C3orf33: variants seen among roughly 807,000 people sequenced by gnomAD.
C3orf33 encodes the protein AP-1 activity suppressor.
C3orf33 carries 23 observed loss-of-function variants against 28.7 expected under a neutral mutation model. The ratio of observed to expected loss-of-function variants is 0.80; its 90% CI spans 0.58 to 1.13. C3orf33 has a LOEUF of 1.13. C3orf33 is among the 50% of genes most tolerant of loss of function. The pLI is 0.00. For synonymous variants in C3orf33, 119 were observed against 120.5 expected (o/e 0.99, Z 0.08); for missense variants, 327 against 353.4 (o/e 0.93, Z 0.60).
intron 4 of C3orf33, among the ~76,000 whole-genome samples, chr3:155,764,823 T>C (rs1750349238): frequency 6.6e-6 from 1 of 152,054 alleles, no homozygotes; most frequent in African/African-American, 2.4e-5. Context: ...ACCACTGCAC[T>C]CAAGCCTGGG....
intron 2 of C3orf33, among the ~76,000 whole-genome samples, chr3:155,794,888 C>T (rs1326023589): frequency 6.6e-6 from 1 of 152,136 alleles, no homozygotes. Context: ...GCAGCCAACA[C>T]TGCAGCACCA....
At chr3:155,783,467 A>ATT (rs57517417) in intron 2 of C3orf33, among the ~76,000 whole-genome samples, 3,154 of 134,140 alleles carry the variant, frequency 0.024, 152 homozygotes, top group African/African-American at 0.079. Flanking sequence ...CCTGTACTAC[A>ATT]TTTTTTTTTT....
chr3:155,787,640 C>T (rs1390915657), intron 2 of C3orf33, among the ~76,000 whole-genome samples: 2 of 151,630 alleles, frequency 1.3e-5, no homozygotes, highest in East Asian at 3.9e-4. Context: ...GCGTGAGCCA[C>T]TGTGCCCAGC....
intron 1 of C3orf33, among the ~76,000 whole-genome samples, chr3:155,803,857 G>A (rs1226946654): frequency 6.6e-6 from 1 of 151,994 alleles, no homozygotes; most frequent in Non-Finnish European, 1.5e-5. Context: ...ACTCCAGCCT[G>A]GGCGACAGAG....
chr3:155,788,008 G>A (rs572504632), intron 2 of C3orf33, among the ~76,000 whole-genome samples: 9 of 151,252 alleles, frequency 6.0e-5, no homozygotes, highest in Admixed American at 4.6e-4. Context: ...TGGTTAACAC[G>A]GTGAAACCCC....
At chr3:155,775,973 T>C in intron 2 of C3orf33, 125 bp from the exon 3 acceptor site, 1 of 622,916 alleles carries the variant, frequency 1.6e-6, no homozygotes, top group Non-Finnish European at 2.7e-6. Flanking sequence ...ATTTAGTTCC[T>C]AATTTTATAT....
chr3:155,781,243 T>C (rs378211), intron 2 of C3orf33, among the ~76,000 whole-genome samples: 35,055 of 150,370 alleles, frequency 0.23, 5,028 homozygotes, highest in East Asian at 0.57. Context: ...CCTGACCTCA[T>C]GATCCACCCG....
chr3:155,763,450 G>A lies in C3orf33; in HGVS notation c.*67C>T, dbSNP rs868342356. 8.2e-7 allele frequency: 1 copy of A among 1,224,658 alleles called. No individual in the cohort carries two copies. The highest frequency in any genetic ancestry group is 2.8e-5 in the East Asian group (1 of 35,656). The allele number at this position is 1,224,658 out of a possible 1,614,324, so 75.9% of individuals were successfully genotyped here. A position where few individuals can be genotyped will look rare whatever the true frequency, so the allele number is the denominator to read the frequency against. On this transcript the variant is annotated 3_prime_UTR_variant, in exon 5 of 5. Coordinates refer to ENST00000340171, the MANE Select transcript of C3orf33 (RefSeq NM_001308229.2). ...GGCAAAACTTCCATTTTGATTCAAT[G>A]AAAAACGTCCATATATTTACATATT... is the stretch of plus-strand genomic sequence containing the variant.
chr3:155,794,706 A>T (rs2109276792), intron 2 of C3orf33, among the ~76,000 whole-genome samples: 1 of 152,286 alleles, frequency 6.6e-6, no homozygotes, highest in East Asian at 1.9e-4. Context: ...CCATGCAAAC[A>T]GAAACTGCAG....
chr3:155,802,212 C>T (rs191373812), intron 2 of C3orf33, among the ~76,000 whole-genome samples: 453 of 152,250 alleles, frequency 3.0e-3, no homozygotes, highest in African/African-American at 0.01. Flanking sequence ...CACAAGAAAA[C>T]ACTTTAAGAT....
chr3:155,790,638 G>A (rs955996205), intron 2 of C3orf33, among the ~76,000 whole-genome samples: 6 of 152,146 alleles, frequency 3.9e-5, no homozygotes, highest in Non-Finnish European at 5.9e-5. Context: ...GTGGCATGGA[G>A]GGAGAATCTA....
chr3:155,776,257 A>T (rs1210875257), intron 2 of C3orf33, among the ~76,000 whole-genome samples: 3 of 152,222 alleles, frequency 2.0e-5, no homozygotes, highest in Non-Finnish European at 4.4e-5. Flanking sequence ...AGCTCAGTCA[A>T]ATTAAGTTAG....
At position 155,793,822 on chromosome 3, in the gene C3orf33, AAAAAACT is replaced by A. The variant is rs1159835035; in HGVS notation, c.174+8703_174+8709del. Among the ~76,000 whole-genome samples the A allele has an allele frequency of 7.4e-4, 77 of 104,468 alleles. 2 individuals carry two copies. The highest frequency in any genetic ancestry group is 2.7e-3 in the African/African-American group (73 of 27,330). 68.5% of individuals were successfully genotyped at this position (104,468 alleles called of 152,430 possible). On this transcript the variant is annotated intron_variant, in intron 2 of 4. Coordinates refer to ENST00000340171, the MANE Select transcript of C3orf33 (RefSeq NM_001308229.2). ...GAGACTCTGACTCAAAAAAAAAAAA[AAAAAACT>A]AAAAAAACTAAAAAAACTAAAACAG...
Position 155,805,460 on chromosome 3 carries a change from A to C in C3orf33, c.114+679T>G, listed in dbSNP as rs368765637. 284 of 348,436 alleles carry C rather than the reference A, an allele frequency of 8.2e-4. 2 individuals carry two copies. The highest frequency in any genetic ancestry group is 4.9e-3 in the African/African-American group (229 of 46,670). 21.6% of individuals were successfully genotyped at this position (348,436 alleles called of 1,614,324 possible). A position where few individuals can be genotyped will look rare whatever the true frequency, so the allele number is the denominator to read the frequency against. ...GCGTGACAGAGGGAGACCCTGTCTC[A>C]AAAAAAAGAAATCTATTCGGGAGGC... On this transcript the variant is annotated intron_variant, in intron 1 of 4. Transcript: ENST00000340171.
At chr3:155,785,358 C>G (rs1751067776) in intron 2 of C3orf33, among the ~76,000 whole-genome samples, 1 of 151,992 alleles carries the variant, frequency 6.6e-6, no homozygotes, top group East Asian at 1.9e-4. Context: ...TCGCTTAGAT[C>G]TAACAAACAT....
Position 155,802,462 on chromosome 3 carries a change from T to C in C3orf33, c.174+70A>G, listed in dbSNP as rs1751676866. On this transcript the variant is annotated intron_variant, in intron 2 of 4. Coordinates refer to ENST00000340171, the MANE Select transcript of C3orf33 (RefSeq NM_001308229.2). ...TAACAATATGATACACTGTTTGAGA[T>C]AAAAATTGTCTGAAATGGAAATAAA... The C allele has an allele frequency of 7.7e-6, 9 of 1,162,086 alleles. No individual in the cohort carries two copies. In the South Asian group the frequency reaches 1.0e-4, roughly 13 times the overall value. 72.0% of individuals were successfully genotyped at this position (1,162,086 alleles called of 1,614,324 possible).
intron 1 of C3orf33, 37 bp from the exon 2 acceptor site, chr3:155,802,628 T>TATTGTGACTAATA: frequency 6.8e-7 from 1 of 1,479,120 alleles, no homozygotes; most frequent in Non-Finnish European, 9.2e-7. Flanking sequence ...CCTCACTAAT[T>TATTGTGACTAATA]ATTAGTCACA....
At position 155,794,852 on chromosome 3, in the gene C3orf33, A is replaced by G. The variant is rs185618943; in HGVS notation, c.174+7680T>C. Among the ~76,000 whole-genome samples the G allele has an allele frequency of 3.3e-5, 5 of 152,312 alleles. No individual in the cohort carries two copies. In the East Asian group the frequency reaches 9.6e-4, roughly 29 times the overall value. ...ATGATAAAGGGGTCAATTCAGCAAG[A>G]GGATACAACAATTATAAATATATAT... is the stretch of plus-strand genomic sequence containing the variant. On this transcript the variant is annotated intron_variant, in intron 2 of 4. Transcript: ENST00000340171.
At chr3:155,782,098 CT>C (rs1403200248) in intron 2 of C3orf33, among the ~76,000 whole-genome samples, 1 of 150,486 alleles carries the variant, frequency 6.6e-6, no homozygotes, top group Non-Finnish European at 1.5e-5. Flanking sequence ...GTAATCCCAG[CT>C]ACTCAGCAGG....
Sources: allele counts gnomAD v4.1 joint callset (sites outside exome capture counted in the v4.1 genomes callset), GRCh38; gene constraint gnomAD v4.1.1; transcripts MANE v1.5; gene names NCBI Gene and HGNC (gene_info 2026-07-23, HGNC 2026-07-21).